The following KIF26B variants were observed in gnomAD, a reference collection of about 807,000 sequenced individuals.
The protein encoded by KIF26B is kinesin family member 26B.
KIF26B carries 63 observed loss-of-function variants against 151.2 expected under a neutral mutation model. That is an observed-to-expected ratio of 0.42 (90% confidence interval 0.34 to 0.51). The LOEUF (loss-of-function observed/expected upper bound fraction) is 0.51, where lower values mean the gene tolerates loss of function less well. KIF26B is among the 20% of genes least tolerant of loss of function. KIF26B has a pLI of 0.07. For synonymous variants in KIF26B, 1,357 were observed against 1,262.1 expected (o/e 1.08, Z -1.59); for missense variants, 2,813 against 2,913.6 (o/e 0.97, Z 0.79).
At position 245,471,940 on chromosome 1, in the gene KIF26B, C is replaced by T. The variant is rs554645305; in HGVS notation, c.1166+52195C>T. Among the ~76,000 whole-genome samples the T allele has an allele frequency of 7.7e-4, 117 of 152,164 alleles. No individual in the cohort carries two copies. The South Asian group carries it at 0.01, about 13-fold the overall frequency. Reference sequence around the variant, plus strand: ...CCGAGTAGCTGAGATTACAGGCGCCCGCCACCACACCCAGCTAGTTTTTGT... The same window carrying T: ...CCGAGTAGCTGAGATTACAGGCGCCTGCCACCACACCCAGCTAGTTTTTGT... On this transcript the variant is annotated intron_variant, in intron 4 of 14. Transcript: ENST00000407071.
intron 2 of KIF26B, among the ~76,000 whole-genome samples, chr1:245,219,271 T>C (rs1409970334): frequency 1.3e-5 from 2 of 151,042 alleles, no homozygotes; most frequent in Non-Finnish European, 2.9e-5. Context: ...CCCGAGTAGC[T>C]GGGACTACAG....
intron 3 of KIF26B, among the ~76,000 whole-genome samples, chr1:245,379,970 C>CA (rs539877547): frequency 0.058 from 4,808 of 82,616 alleles, 278 homozygotes; most frequent in African/African-American, 0.18. Flanking sequence ...GACTCCGTCT[C>CA]AAAAAAAAAA....
chr1:245,557,289 A>T (rs942177288), intron 5 of KIF26B, among the ~76,000 whole-genome samples: 1 of 152,216 alleles, frequency 6.6e-6, no homozygotes, highest in Non-Finnish European at 1.5e-5. Context: ...GTAGACTTGA[A>T]TTTGAAGGCT....
chr1:245,686,306 G>C lies in KIF26B; in HGVS notation c.3323G>C (p.Ser1108Thr), dbSNP rs751913043. Residue 1108 changes from serine to threonine, a missense_variant, in exon 12 of 15, where the codon AGC becomes ACC. Ser to Thr is a moderately conservative substitution (Grantham distance 58). This residue lies in a region of KIF26B where 2,060 missense variants were observed against 2,088.6 expected (regional missense o/e 0.99). Coordinates refer to ENST00000407071, the MANE Select transcript of KIF26B (RefSeq NM_018012.4). This position sits in a 1 kb window ranked among gnomAD's most constrained non-coding sequence, Gnocchi z 5.6. The stretch of plus-strand genomic sequence containing the variant: ...TCTCCCGCCCCACTGCCTCCCTCGA[G>C]CAAGGATTCCGGCGTGGCGTCTAGG... ...LPSPAPLPPS[S>T]KDSGVASRES... 4 of 1,612,948 alleles carry C rather than the reference G, an allele frequency of 2.5e-6. No homozygotes were observed. Among genetic ancestry groups the C allele is most frequent in the African/African-American group, 1.3e-5 (1 of 74,908 alleles).
At position 245,364,867 on chromosome 1, in the gene KIF26B, GA is replaced by G. The variant is rs370802817; in HGVS notation, c.466-1959del. Among the ~76,000 whole-genome samples, 51 of 151,762 alleles carry G rather than the reference GA, an allele frequency of 3.4e-4. 1 individual carries two copies. The highest frequency in any genetic ancestry group is 1.1e-3 in the African/African-American group (46 of 41,408). ...TGAGAGCATAAGCCATTGCTTATGT[GA>G]AAAAAAACAAGAAACTGTATCTTTG... is the stretch of plus-strand genomic sequence containing the variant. On this transcript the variant is annotated intron_variant, in intron 2 of 14. Transcript: ENST00000407071.
intron 4 of KIF26B, among the ~76,000 whole-genome samples, chr1:245,506,011 AG>A (rs1660722845): frequency 6.6e-6 from 1 of 152,258 alleles, no homozygotes; most frequent in Admixed American, 6.5e-5. Flanking sequence ...ACAACAATTT[AG>A]TAACCATTAG....
At chr1:245,350,281 T>C (rs114747631) in intron 2 of KIF26B, among the ~76,000 whole-genome samples, 1 of 152,276 alleles carries the variant, frequency 6.6e-6, no homozygotes, top group African/African-American at 2.4e-5. Flanking sequence ...AGATTCTCCT[T>C]CTTTCTACTG....
At chr1:245,490,660 C>T (rs1660391148) in intron 4 of KIF26B, among the ~76,000 whole-genome samples, 3 of 152,150 alleles carry the variant, frequency 2.0e-5, no homozygotes, top group Admixed American at 6.5e-5. Context: ...TCTAGCCTGT[C>T]AGTGGGTTAC....
intron 2 of KIF26B, among the ~76,000 whole-genome samples, chr1:245,202,186 A>G (rs1669311725): frequency 6.6e-6 from 1 of 152,188 alleles, no homozygotes; most frequent in Non-Finnish European, 1.5e-5. Flanking sequence ...CCTGAGAAAT[A>G]TTATTAGCCA....
intron 2 of KIF26B, among the ~76,000 whole-genome samples, chr1:245,299,888 C>T (rs562947084): frequency 5.3e-5 from 8 of 152,328 alleles, no homozygotes; most frequent in African/African-American, 1.2e-4. Context: ...GGTCTGCAGA[C>T]GACCCATTTA....
intron 2 of KIF26B, among the ~76,000 whole-genome samples, chr1:245,356,279 G>A (rs113962098): frequency 0.068 from 10,405 of 152,226 alleles, 997 homozygotes; most frequent in African/African-American, 0.22. Flanking sequence ...AGAAAGGCCA[G>A]GCACAGTGGC....
At chr1:245,618,395 G>A (rs1485974064) in intron 9 of KIF26B, among the ~76,000 whole-genome samples, 2 of 149,284 alleles carry the variant, frequency 1.3e-5, no homozygotes, top group East Asian at 2.0e-4. Flanking sequence ...GAGTGCCACC[G>A]TCCTGGGGCT....
chr1:245,527,610 TGCAA>T (rs1661268830), intron 4 of KIF26B, among the ~76,000 whole-genome samples: 2 of 133,242 alleles, frequency 1.5e-5, no homozygotes, highest in South Asian at 5.3e-4. Flanking sequence ...CTCGGCTCAC[TGCAA>T]GCTCCACCTC....
chr1:245,346,099 A>AT (rs61212124), intron 2 of KIF26B, among the ~76,000 whole-genome samples: 6,745 of 150,018 alleles, frequency 0.045, 487 homozygotes, highest in African/African-American at 0.15. Flanking sequence ...CACCTGGCTA[A>AT]TTTTTTTTTG....
chr1:245,201,087 A>T (rs887709831), intron 2 of KIF26B, among the ~76,000 whole-genome samples: 2 of 152,346 alleles, frequency 1.3e-5, no homozygotes, highest in Non-Finnish European at 1.5e-5. Flanking sequence ...AGCAGCTAAG[A>T]GGCTTGCTCA....
chr1:245,520,377 A>G (rs1394420683), intron 4 of KIF26B, among the ~76,000 whole-genome samples: 1 of 152,232 alleles, frequency 6.6e-6, no homozygotes, highest in East Asian at 1.9e-4. Flanking sequence ...GATAATGTGG[A>G]ACAATTATTA....
chr1:245,687,488 T>C lies in KIF26B; in HGVS notation c.4505T>C (p.Val1502Ala), dbSNP rs1256836660. The part of the protein sequence containing the change: ...SSSGEVSASP[V>A]TDNFRRVVDG... Reference sequence around the variant, plus strand: ...AGCGGAGAGGTGTCGGCCTCCCCGGTCACTGACAACTTCAGGAGGGTCGTG... The same window carrying C: ...AGCGGAGAGGTGTCGGCCTCCCCGGCCACTGACAACTTCAGGAGGGTCGTG... The change falls in exon 12 of 15, where the codon GTC (valine) becomes GCC (alanine). Residue 1502 changes from valine to alanine, a missense_variant. This residue lies in a region of KIF26B where 2,060 missense variants were observed against 2,088.6 expected (regional missense o/e 0.99). Coordinates refer to ENST00000407071, the MANE Select transcript of KIF26B (RefSeq NM_018012.4). This position sits in a 1 kb window ranked among gnomAD's most constrained non-coding sequence, Gnocchi z 4.9. The C allele has an allele frequency of 3.2e-6, 5 of 1,582,586 alleles. No individual in the cohort carries two copies. The highest frequency in any genetic ancestry group is 3.3e-4 in the Middle Eastern group (2 of 6,024).
intron 2 of KIF26B, among the ~76,000 whole-genome samples, chr1:245,365,097 T>C (rs1412662664): frequency 2.0e-5 from 3 of 152,234 alleles, no homozygotes; most frequent in African/African-American, 7.2e-5. Flanking sequence ...CCTGTTTTTC[T>C]GTAAACTGAG....
At chr1:245,313,046 C>A (rs1477174735) in intron 2 of KIF26B, among the ~76,000 whole-genome samples, 1 of 152,068 alleles carries the variant, frequency 6.6e-6, no homozygotes, top group African/African-American at 2.4e-5. Flanking sequence ...GTAGTCCCAG[C>A]TACTCGGGAG....
Sources: allele counts gnomAD v4.1 joint callset (sites outside exome capture counted in the v4.1 genomes callset), GRCh38; gene constraint gnomAD v4.1.1; regional missense constraint gnomAD v4.1.1; non-coding constraint Gnocchi (gnomAD v3.1); transcripts MANE v1.5; gene names NCBI Gene and HGNC (gene_info 2026-07-23, HGNC 2026-07-21).